The following ATG3 variants were observed in gnomAD, a reference collection of about 807,000 sequenced individuals.
The protein encoded by ATG3 is ubiquitin-like-conjugating enzyme ATG3.
In ATG3, 25 loss-of-function variants were observed where a neutral mutation model predicts 50.7. The observed-to-expected ratio is 0.49, with a 90% confidence interval of 0.36 to 0.69. The LOEUF (loss-of-function observed/expected upper bound fraction) is 0.69. ATG3 is among the 30% of genes least tolerant of loss of function. ATG3 has a pLI of 0.00. For missense variants in ATG3, 281 were observed against 376.0 expected, an observed-to-expected ratio of 0.75 and a Z score of 2.09; for synonymous variants, 119 against 125.5, an observed-to-expected ratio of 0.95 and a Z score of 0.34.
chr3:112,553,470 A>T (rs1203697916), intron 2 of ATG3, 141 bp from the exon 3 acceptor site: 3 of 616,542 alleles, frequency 4.9e-6, no homozygotes, highest in Non-Finnish European at 8.8e-6. Flanking sequence ...AAACAGCAAC[A>T]AAGCTGCTCT....
At chr3:112,555,758 T>C (rs1422891841) in intron 2 of ATG3, among the ~76,000 whole-genome samples, 2 of 152,214 alleles carry the variant, frequency 1.3e-5, no homozygotes, top group Non-Finnish European at 2.9e-5. Context: ...ATCCTGTAAT[T>C]GTGCTCTATC....
intron 6 of ATG3, among the ~76,000 whole-genome samples, chr3:112,543,046 AAAC>A (rs1933273167): frequency 6.6e-6 from 1 of 152,064 alleles, no homozygotes; most frequent in Non-Finnish European, 1.5e-5. Context: ...GTAAATAAAA[AAAC>A]AAAACAAACA....
intron 1 of ATG3, among the ~76,000 whole-genome samples, 187 bp from the exon 2 acceptor site, chr3:112,558,604 T>A (rs553036967): frequency 1.3e-5 from 2 of 152,200 alleles, no homozygotes; most frequent in Non-Finnish European, 2.9e-5. Context: ...TATCTATCTA[T>A]ATCTATCTAT....
Position 112,541,852 on chromosome 3 carries a change from T to C in ATG3, c.426A>G (p.Leu142=), listed in dbSNP as rs776924183. The C allele has an allele frequency of 6.2e-7, 1 of 1,612,594 alleles. No individual in the cohort carries two copies. The highest frequency in any genetic ancestry group is 8.5e-7 in the Non-Finnish European group (1 of 1,179,678). ...DNIRLQDCSA[L]CEEEEDEDEG... Reference sequence around the variant, plus strand: ...CATCTTCATCTTCTTCCTCTTCACATAGTGCTGAGCAATCTTGAAGCCTTA... The same window carrying C: ...CATCTTCATCTTCTTCCTCTTCACACAGTGCTGAGCAATCTTGAAGCCTTA... Residue 142 remains leucine, a synonymous_variant, in exon 7 of 12, where the codon CTA becomes CTG. Coordinates refer to ENST00000283290, the MANE Select transcript of ATG3 (RefSeq NM_022488.5).
Position 112,561,585 on chromosome 3 carries a change from G to A in ATG3, c.-57C>T. ...CGGGATGGAAAGTGCAGCCGTGTCA[G>A]GGGCCAGGGAGTCAGAAAATGTCCT... On this transcript the variant is annotated 5_prime_UTR_variant, in exon 1 of 12. Transcript: ENST00000283290. 2 of 1,551,142 alleles carry A rather than the reference G, an allele frequency of 1.3e-6. No individual in the cohort carries two copies. The highest frequency in any genetic ancestry group is 1.8e-6 in the Non-Finnish European group (2 of 1,139,706).
chr3:112,541,763 A>G lies in ATG3; in HGVS notation c.475+40T>C, dbSNP rs765842095. ...CATAAATTACAAATATTCTAAATCAATATTCTAGTGGAACTGAAGCAAATC... is the reference window on the plus strand; with the variant it reads ...CATAAATTACAAATATTCTAAATCAGTATTCTAGTGGAACTGAAGCAAATC... On this transcript the variant is annotated intron_variant, in intron 7 of 11. Transcript: ENST00000283290. 4.0e-6 allele frequency: 6 copies of G among 1,489,228 alleles called. No individual in the cohort carries two copies. The Admixed American group carries it at 6.8e-5, about 17-fold the overall frequency. 92.3% of individuals were successfully genotyped at this position (1,489,228 alleles called of 1,614,324 possible). A position where few individuals can be genotyped will look rare whatever the true frequency, so the allele number is the denominator to read the frequency against.
In ATG3 at chr3:112,548,655, GTAAA is replaced by G; in HGVS notation, c.236-19_236-16del. On this transcript the variant is annotated splice_polypyrimidine_tract_variant and intron_variant, in intron 4 of 11. Transcript: ENST00000283290. ...ATAGCACGGCACTATAAAAAAAATGGTAAATACAGTTAACTAGCACGTAATCTGC... is the reference window on the plus strand; with the variant it reads ...ATAGCACGGCACTATAAAAAAAATGGTACAGTTAACTAGCACGTAATCTGC... The G allele has an allele frequency of 6.3e-7, 1 of 1,598,414 alleles. No homozygotes were observed.
chr3:112,551,760 A>G (rs1933534795), intron 3 of ATG3, among the ~76,000 whole-genome samples: 1 of 152,218 alleles, frequency 6.6e-6, no homozygotes, highest in Non-Finnish European at 1.5e-5. Context: ...TGAAATACAT[A>G]TAAATTATAG....
chr3:112,538,746 A>G (rs34248586), intron 7 of ATG3, among the ~76,000 whole-genome samples: 10,221 of 152,146 alleles, frequency 0.067, 424 homozygotes, highest in Admixed American at 0.12. Flanking sequence ...AACCACACTT[A>G]TTTCTGTAAC....
chr3:112,535,267 T>G (rs1232337575), intron 10 of ATG3: 1 of 152,188 alleles, frequency 6.6e-6, no homozygotes, highest in African/African-American at 2.4e-5. Flanking sequence ...TCCAGAGGAT[T>G]TGAAGGCACA....
At position 112,541,844 on chromosome 3, in the gene ATG3, T is replaced by C. The variant is rs2107373795; in HGVS notation, c.434A>G (p.Glu145Gly). Reference protein sequence around the residue: ...RLQDCSALCEEEEDEDEGEAA... With the variant: ...RLQDCSALCEGEEDEDEGEAA... ...TTCTCCTTCATCTTCATCTTCTTCCTCTTCACATAGTGCTGAGCAATCTTG... is the reference window on the plus strand; with the variant it reads ...TTCTCCTTCATCTTCATCTTCTTCCCCTTCACATAGTGCTGAGCAATCTTG... Residue 145 changes from glutamate (E) to glycine (G), a missense_variant, in exon 7 of 12, where the codon GAG becomes GGG. Around this residue, in one of 3 missense-constraint regions of ATG3, gnomAD observed 242 missense variants for 305.0 expected, o/e 0.79. Transcript: ENST00000283290. 1 of 1,612,668 alleles carries C rather than the reference T, an allele frequency of 6.2e-7. No individual in the cohort carries two copies. Among genetic ancestry groups the C allele is most frequent in the Middle Eastern group, 1.7e-4 (1 of 6,058 alleles).
At chr3:112,545,283 A>G (rs148413239) in intron 5 of ATG3, among the ~76,000 whole-genome samples, 166 of 152,364 alleles carry the variant, frequency 1.1e-3, no homozygotes, top group African/African-American at 3.8e-3. Flanking sequence ...TGTCTCAAAG[A>G]AAGCCTTAAG....
chr3:112,559,415 G>T (rs1933778244), intron 1 of ATG3, among the ~76,000 whole-genome samples: 1 of 152,132 alleles, frequency 6.6e-6, no homozygotes, highest in South Asian at 2.1e-4. Context: ...GATATTTGGG[G>T]GTGAATAACA....
Position 112,537,775 on chromosome 3 carries a change from T to C in ATG3, c.626A>G (p.Tyr209Cys). 6.2e-7 allele frequency: 1 copy of C among 1,605,844 alleles called. No homozygotes were observed. The highest frequency in any genetic ancestry group is 8.5e-7 in the Non-Finnish European group (1 of 1,177,600). ...TYDLYITYDK[Y>C]YQTPRLWLFG... The stretch of plus-strand genomic sequence containing the variant: ...CAACCATAATCGTGGAGTCTGGTAA[T>C]ATTTATCATAAGTGATGTAAAGGTC... The change falls in exon 9 of 12, where the codon TAT becomes TGT. Residue 209 changes from tyrosine to cysteine, a missense_variant. Physicochemically the swap from Tyr to Cys is radical, Grantham distance 194. Coordinates refer to ENST00000283290, the MANE Select transcript of ATG3 (RefSeq NM_022488.5).
rs1056206495 is a variant in ATG3 at position 112,561,711 on chromosome 3, A to C, written c.-183T>G. 1.0e-4 allele frequency: 62 copies of C among 616,272 alleles called. No homozygotes were observed. The highest frequency in any genetic ancestry group is 1.7e-4 in the Non-Finnish European group (61 of 368,658). 38.2% of individuals were successfully genotyped at this position (616,272 alleles called of 1,614,324 possible). On this transcript the variant is annotated 5_prime_UTR_variant, in exon 1 of 12. Coordinates refer to ENST00000283290, the MANE Select transcript of ATG3 (RefSeq NM_022488.5). ...GACGAGGGGGCGGGGCGGCAGGCAC[A>C]GCGCGCGAAGACGGGGTGCGCGATC...
At position 112,550,180 on chromosome 3, in the gene ATG3, C is replaced by T. The variant is rs1486236760; in HGVS notation, c.235+12G>A. ...ACGCAAAATTTATTCATATATGCAA[C>T]ATAATTCTTACCATTTTTGGTTACC... On this transcript the variant is annotated intron_variant, in intron 4 of 11. Transcript: ENST00000283290. 2.2e-5 allele frequency: 35 copies of T among 1,593,538 alleles called. No individual in the cohort carries two copies. The highest frequency in any genetic ancestry group is 2.9e-5 in the Non-Finnish European group (34 of 1,162,888).
chr3:112,536,673 G>GTCTCC, intron 9 of ATG3, 71 bp from the exon 10 acceptor site: 1 of 1,536,326 alleles, frequency 6.5e-7, no homozygotes, highest in Non-Finnish European at 8.9e-7. Context: ...TGTAATCCCA[G>GTCTCC]CACTGTGGGA....
chr3:112,541,364 C>A (rs1187591550), intron 7 of ATG3, among the ~76,000 whole-genome samples: 2 of 149,962 alleles, frequency 1.3e-5, no homozygotes, highest in Non-Finnish European at 3.0e-5. Flanking sequence ...TCCAGCCTGG[C>A]GAGAGTGAGA....
chr3:112,533,007 T>C (rs991035048), intron 11 of ATG3: 28 of 1,175,504 alleles, frequency 2.4e-5, no homozygotes, highest in Non-Finnish European at 2.6e-5. Flanking sequence ...AACTTCTTAA[T>C]GAGTAGGTGT....
Sources: allele counts gnomAD v4.1 joint callset (sites outside exome capture counted in the v4.1 genomes callset), GRCh38; gene constraint gnomAD v4.1.1; regional missense constraint gnomAD v4.1.1; transcripts MANE v1.5; gene names NCBI Gene and HGNC (gene_info 2026-07-23, HGNC 2026-07-21).